HDAC9: variants seen among roughly 807,000 people sequenced by gnomAD.
HDAC9 encodes MEF-2 interacting transcription repressor (MITR) protein.
A neutral mutation model predicts 139.4 loss-of-function variants in HDAC9; 41 were observed. The observed-to-expected ratio is 0.29, with a 90% CI of 0.23 to 0.38. The LOEUF (loss-of-function observed/expected upper bound fraction) is 0.38. HDAC9 is among the 10% of genes least tolerant of loss of function. HDAC9 has a pLI of 1.00. For missense variants in HDAC9, 1,147 were observed against 1,297.0 expected, an observed-to-expected ratio of 0.88 and a Z score of 1.78; for synonymous variants, 517 against 476.2, an observed-to-expected ratio of 1.09 and a Z score of -1.12.
intron 1 of HDAC9, among the ~76,000 whole-genome samples, chr7:18,321,520 T>TA (rs1017555402): frequency 2.0e-5 from 3 of 152,144 alleles, no homozygotes; most frequent in Non-Finnish European, 4.4e-5. Context: ...ATATGCTTTT[T>TA]AAAAAAATGT....
intron 16 of HDAC9, among the ~76,000 whole-genome samples, chr7:18,785,694 G>T (rs542303807): frequency 5.7e-4 from 86 of 152,140 alleles, no homozygotes; most frequent in African/African-American, 1.5e-3. Flanking sequence ...ATTAGAATCT[G>T]TTTTTTAAAA....
At chr7:18,101,675 TA>T (rs1009020879) in intron 1 of HDAC9, among the ~76,000 whole-genome samples, 6 of 152,238 alleles carry the variant, frequency 3.9e-5, no homozygotes, top group Admixed American at 3.3e-4. Context: ...AAGCATATTT[TA>T]AAAAATCCAT....
intron 12 of HDAC9, among the ~76,000 whole-genome samples, chr7:18,725,719 C>T (rs1318291465): frequency 1.3e-5 from 2 of 152,032 alleles, no homozygotes; most frequent in African/African-American, 2.4e-5. Context: ...TTCCTTTTCC[C>T]GACATAACCC....
At chr7:18,950,617 G>C (rs1028374119) in intron 23 of HDAC9, among the ~76,000 whole-genome samples, 3 of 151,946 alleles carry the variant, frequency 2.0e-5, no homozygotes, top group Non-Finnish European at 2.9e-5. Flanking sequence ...ACAAAATAGA[G>C]AGTGGGATAA....
chr7:18,638,259 A>G (rs1260476142), intron 8 of HDAC9, among the ~76,000 whole-genome samples: 1 of 152,072 alleles, frequency 6.6e-6, no homozygotes, highest in African/African-American at 2.4e-5. Context: ...ATTCTATCCT[A>G]TTGTGCTGCT....
chr7:18,117,987 C>G (rs1348212843), intron 1 of HDAC9, among the ~76,000 whole-genome samples: 1 of 152,152 alleles, frequency 6.6e-6, no homozygotes, highest in African/African-American at 2.4e-5. Context: ...TGTTTCCTCC[C>G]CCTTCATCAC....
At position 18,603,484 on chromosome 7, in the gene HDAC9, CTA is replaced by C. The variant is rs547801741; in HGVS notation, c.664+9456_664+9457del. On this transcript the variant is annotated intron_variant, in intron 6 of 25. Transcript: ENST00000686413. Reference sequence around the variant, plus strand: ...TTAAAAATATGTTTCAGTGGTTTCTCTAGAGTTTGATGAATCCATTTATAGTG... The same window carrying C: ...TTAAAAATATGTTTCAGTGGTTTCTCGAGTTTGATGAATCCATTTATAGTG... Among the ~76,000 whole-genome samples the C allele has an allele frequency of 7.2e-5, 11 of 152,120 alleles. No homozygotes were observed. In the East Asian group the frequency reaches 2.1e-3, roughly 29 times the overall value.
intron 22 of HDAC9, among the ~76,000 whole-genome samples, chr7:18,927,197 T>C (rs1293682613): frequency 2.0e-5 from 3 of 152,184 alleles, no homozygotes; most frequent in African/African-American, 7.2e-5. Context: ...AAGGACTTTA[T>C]GGTAGCGACA....
chr7:18,683,859 T>G (rs1782064546), intron 12 of HDAC9, among the ~76,000 whole-genome samples: 1 of 152,124 alleles, frequency 6.6e-6, no homozygotes, highest in Non-Finnish European at 1.5e-5. Context: ...TTTTTCAAAC[T>G]TTTTTAATTT....
intron 1 of HDAC9, among the ~76,000 whole-genome samples, chr7:18,347,773 A>G (rs1003863293): frequency 1.3e-5 from 2 of 151,658 alleles, no homozygotes; most frequent in African/African-American, 2.4e-5. Flanking sequence ...AATTTTTTGT[A>G]TTTTTAGTAG....
intron 6 of HDAC9, 140 bp downstream of exon 6, chr7:18,594,169 A>G (rs935756010): frequency 1.1e-4 from 77 of 699,828 alleles, no homozygotes; most frequent in Non-Finnish European, 3.1e-5. Flanking sequence ...GCATAAGCAA[A>G]CAATGCACAC....
At chr7:18,907,144 G>C (rs938702794) in intron 22 of HDAC9, 4 of 152,210 alleles carry the variant, frequency 2.6e-5, no homozygotes, top group African/African-American at 9.7e-5. Context: ...TCGAGGGTAG[G>C]AGTCAATCCT....
chr7:18,732,955 G>GTA (rs1562893851), intron 13 of HDAC9, among the ~76,000 whole-genome samples: 2 of 133,550 alleles, frequency 1.5e-5, no homozygotes, highest in African/African-American at 3.0e-5. Flanking sequence ...ACACGTGTAT[G>GTA]TGTGTGTATG....
At chr7:18,554,327 CTTTTTTTTTTTTTTT>C (rs34326798) in intron 2 of HDAC9, among the ~76,000 whole-genome samples, 4 of 58,286 alleles carry the variant, frequency 6.9e-5, no homozygotes, top group Non-Finnish European at 1.2e-4. Flanking sequence ...TTACAGATCA[CTTTTTTTTTTTTTTT>C]TTTTTTTTTT....
intron 21 of HDAC9, among the ~76,000 whole-genome samples, chr7:18,859,217 C>T (rs1797907456): frequency 2.0e-5 from 3 of 152,124 alleles, no homozygotes; most frequent in South Asian, 4.1e-4. Flanking sequence ...AACTTCATGC[C>T]TGGCACCTAG....
intron 1 of HDAC9, among the ~76,000 whole-genome samples, chr7:18,297,911 C>G (rs1192212605): frequency 6.6e-6 from 1 of 152,200 alleles, no homozygotes; most frequent in Non-Finnish European, 1.5e-5. Flanking sequence ...TAATGACGTT[C>G]CATCCTGCCT....
chr7:18,598,567 A>G (rs1833084789), intron 6 of HDAC9, among the ~76,000 whole-genome samples: 1 of 152,160 alleles, frequency 6.6e-6, no homozygotes, highest in Admixed American at 6.5e-5. Flanking sequence ...TTGCACAGTT[A>G]TTTTTAGAAT....
At chr7:18,103,126 G>C (rs1225868417) in intron 1 of HDAC9, among the ~76,000 whole-genome samples, 1 of 152,130 alleles carries the variant, frequency 6.6e-6, no homozygotes, top group Non-Finnish European at 1.5e-5. Context: ...AAGAGAGCTT[G>C]TGCAGGGGAA....
intron 14 of HDAC9, among the ~76,000 whole-genome samples, chr7:18,757,115 T>C (rs1005713352): frequency 3.9e-5 from 6 of 152,170 alleles, no homozygotes; most frequent in Admixed American, 3.9e-4. Context: ...AATAAGACCA[T>C]GAATTGACTC....
Sources: allele counts gnomAD v4.1 joint callset (sites outside exome capture counted in the v4.1 genomes callset), GRCh38; gene constraint gnomAD v4.1.1; transcripts MANE v1.5; gene names NCBI Gene and HGNC (gene_info 2026-07-23, HGNC 2026-07-21).